CLASP1: variants seen among roughly 807,000 people sequenced by gnomAD.
CLASP1 encodes cytoplasmic linker associated protein 1.
A neutral mutation model predicts 192.3 loss-of-function variants in CLASP1; 38 were observed. The ratio of observed to expected loss-of-function variants is 0.20; its 90% CI spans 0.15 to 0.26. The LOEUF (loss-of-function observed/expected upper bound fraction) is 0.26, where lower values mean the gene tolerates loss of function less well. Among genes scored for constraint, CLASP1 ranks in the 10% least tolerant of loss-of-function variants. CLASP1 has a pLI of 1.00. For missense variants in CLASP1, 1,433 were observed against 1,932.5 expected, an observed-to-expected ratio of 0.74 and a Z score of 4.85; for synonymous variants, 691 against 712.8, an observed-to-expected ratio of 0.97 and a Z score of 0.49.
At chr2:121,620,181 G>A (rs969938123) in intron 1 of CLASP1, among the ~76,000 whole-genome samples, 9 of 150,066 alleles carry the variant, frequency 6.0e-5, no homozygotes, top group East Asian at 2.0e-4. Context: ...AAATCGTGCC[G>A]CTGCACTCCA....
At position 121,418,763 on chromosome 2, in the gene CLASP1, G is replaced by C. The variant is rs371022419; in HGVS notation, c.2213-34C>G. 9.7e-5 allele frequency: 139 copies of C among 1,436,718 alleles called. No homozygotes were observed. The African/African-American group carries it at 1.6e-3, about 17-fold the overall frequency. The allele number at this position is 1,436,718 out of a possible 1,614,324, so 89.0% of individuals were successfully genotyped here. Reference sequence around the variant, plus strand: ...CAGCATGAAGGGTTTCAGAGAAGGTGAACAAGTTTAATGAAGACAGATAAA... The same window carrying C: ...CAGCATGAAGGGTTTCAGAGAAGGTCAACAAGTTTAATGAAGACAGATAAA... On this transcript the variant is annotated intron_variant, in intron 22 of 39. Transcript: ENST00000263710.
At chr2:121,389,665 C>A (rs530085000) in intron 30 of CLASP1, among the ~76,000 whole-genome samples, 7 of 152,038 alleles carry the variant, frequency 4.6e-5, no homozygotes, top group Non-Finnish European at 1.0e-4. Flanking sequence ...TTGAATAGTA[C>A]GCTTTTTATG....
chr2:121,392,249 T>A (rs768538998), intron 30 of CLASP1, among the ~76,000 whole-genome samples: 4 of 152,222 alleles, frequency 2.6e-5, no homozygotes, highest in Non-Finnish European at 4.4e-5. Flanking sequence ...TGTAAACATA[T>A]AATTAAAATT....
At chr2:121,461,963 A>G (rs1435010089) in intron 10 of CLASP1, among the ~76,000 whole-genome samples, 5 of 152,186 alleles carry the variant, frequency 3.3e-5, no homozygotes, top group Admixed American at 2.6e-4. Flanking sequence ...CATAACAGAC[A>G]GTAAGTGCCA....
At chr2:121,369,504 CAAAA>C (rs369594357) in intron 34 of CLASP1, among the ~76,000 whole-genome samples, 2 of 151,090 alleles carry the variant, frequency 1.3e-5, no homozygotes, top group African/African-American at 4.9e-5. Context: ...TTAAAAAAAA[CAAAA>C]AAAGAGAAGG....
chr2:121,350,755 C>T (rs182116832), intron 37 of CLASP1, among the ~76,000 whole-genome samples: 17 of 152,302 alleles, frequency 1.1e-4, no homozygotes, highest in African/African-American at 4.1e-4. Flanking sequence ...TGAGCTTTGG[C>T]TACTCACACC....
rs1158972617 is a variant in CLASP1 at position 121,635,021 on chromosome 2, G to A, written c.-286+14351C>T. Among the ~76,000 whole-genome samples the A allele has an allele frequency of 2.0e-5, 3 of 152,098 alleles. No homozygotes were observed. The East Asian group carries it at 5.8e-4, about 29-fold the overall frequency. The stretch of plus-strand genomic sequence containing the variant: ...GCATAAATCATGCTTCCTACTAAGG[G>A]AGTTTAAACTCTTGTTAAATCAGTC... On this transcript the variant is annotated intron_variant, in intron 1 of 39. Transcript: ENST00000263710.
At chr2:121,436,695 G>A (rs903812247) in intron 19 of CLASP1, among the ~76,000 whole-genome samples, 7 of 152,164 alleles carry the variant, frequency 4.6e-5, no homozygotes, top group Non-Finnish European at 7.3e-5. Flanking sequence ...ATAGGCATGA[G>A]CCACTGTGCC....
intron 34 of CLASP1, among the ~76,000 whole-genome samples, chr2:121,375,510 T>A (rs998885331): frequency 1.3e-5 from 2 of 151,816 alleles, no homozygotes; most frequent in African/African-American, 4.8e-5. Context: ...ACTACAGGTG[T>A]GCACCACCAA....
chr2:121,501,581 T>C (rs966014389), intron 8 of CLASP1, among the ~76,000 whole-genome samples: 6 of 152,216 alleles, frequency 3.9e-5, no homozygotes, highest in African/African-American at 1.4e-4. Flanking sequence ...ATATCAATTT[T>C]CTATTATTTC....
intron 30 of CLASP1, among the ~76,000 whole-genome samples, chr2:121,394,495 C>T (rs1029930650): frequency 2.8e-4 from 42 of 152,336 alleles, no homozygotes; most frequent in African/African-American, 1.0e-3. Flanking sequence ...GGAACTTGTG[C>T]ATGGGATGAG....
intron 9 of CLASP1, among the ~76,000 whole-genome samples, chr2:121,465,038 C>G (rs1235555478): frequency 1.3e-5 from 2 of 152,164 alleles, no homozygotes; most frequent in Non-Finnish European, 2.9e-5. Context: ...TAAGAGCTAT[C>G]TATGACAAAC....
chr2:121,643,178 T>C (rs1412319620), intron 1 of CLASP1, among the ~76,000 whole-genome samples: 2 of 152,210 alleles, frequency 1.3e-5, no homozygotes, highest in South Asian at 2.1e-4. Context: ...TCTTAACAGA[T>C]ACACAAAAAT....
chr2:121,434,693 C>T (rs2082010022), intron 19 of CLASP1, among the ~76,000 whole-genome samples: 1 of 152,082 alleles, frequency 6.6e-6, no homozygotes, highest in Non-Finnish European at 1.5e-5. Flanking sequence ...TTAGTATTTT[C>T]AAAAACTGAA....
At chr2:121,608,213 C>T (rs933918241) in intron 1 of CLASP1, among the ~76,000 whole-genome samples, 1 of 152,126 alleles carries the variant, frequency 6.6e-6, no homozygotes, top group East Asian at 1.9e-4. Context: ...ATCAACGATA[C>T]GGGAAAACTT....
rs547665785 is a variant in CLASP1, at chr2:121,571,810, T to C, written c.195+33891A>G. On this transcript the variant is annotated intron_variant, in intron 2 of 39. Transcript: ENST00000263710. ...AACGTGGTGGAAGAAAAGCAAAGAA[T>C]GGCATGTTTAGGACAAAAATATTAG... Among the ~76,000 whole-genome samples the C allele has an allele frequency of 3.9e-5, 6 of 152,242 alleles. No homozygotes were observed. The South Asian group carries it at 6.2e-4, about 16-fold the overall frequency.
chr2:121,645,862 T>A (rs1205617935), intron 1 of CLASP1, among the ~76,000 whole-genome samples: 1 of 152,066 alleles, frequency 6.6e-6, no homozygotes, highest in Non-Finnish European at 1.5e-5. Flanking sequence ...GTGGCAGTAA[T>A]GGTCTGGGCA....
chr2:121,582,911 A>G (rs1290544707), intron 2 of CLASP1, among the ~76,000 whole-genome samples: 1 of 151,458 alleles, frequency 6.6e-6, no homozygotes, highest in Non-Finnish European at 1.5e-5. Context: ...TCAGCTTCCC[A>G]AGCAGCTGGG....
chr2:121,427,345 G>A, intron 21 of CLASP1, 59 bp downstream of exon 21: 2 of 1,582,832 alleles, frequency 1.3e-6, no homozygotes, highest in South Asian at 2.3e-5. Flanking sequence ...GGAACATGGG[G>A]TCGGGGAGAA....
Sources: gnomAD v4.1 joint callset for allele counts (sites outside exome capture counted in the v4.1 genomes callset) on GRCh38, gnomAD v4.1.1 for gene constraint, MANE v1.5 for transcripts, NCBI Gene and HGNC (gene_info 2026-07-23, HGNC 2026-07-21) for gene names.